AXDND1: variants seen among roughly 807,000 people sequenced by gnomAD.
AXDND1 encodes the protein axonemal dynein light chain domain containing 1.
AXDND1 carries 110 observed loss-of-function variants against 137.5 expected under a neutral mutation model. The ratio of observed to expected loss-of-function variants is 0.80; its 90% CI spans 0.69 to 0.94. The LOEUF (loss-of-function observed/expected upper bound fraction) is 0.94, where lower values mean the gene tolerates loss of function less well. Among genes scored for constraint, AXDND1 ranks in the 40% least tolerant of loss-of-function variants. AXDND1 has a pLI of 0.00. For synonymous variants in AXDND1, 414 were observed against 399.7 expected, an observed-to-expected ratio of 1.04 and a Z score of -0.43; for missense variants, 1,191 against 1,169.8, an observed-to-expected ratio of 1.02 and a Z score of -0.26.
chr1:179,458,942 T>C (rs1661814825), intron 16 of AXDND1, among the ~76,000 whole-genome samples: 1 of 151,604 alleles, frequency 6.6e-6, no homozygotes, highest in South Asian at 2.1e-4. Flanking sequence ...AAAGAGAAGA[T>C]AAAATATTTC....
At chr1:179,446,778 CTT>C (rs1179496923) in intron 16 of AXDND1, among the ~76,000 whole-genome samples, 1 of 149,368 alleles carries the variant, frequency 6.7e-6, no homozygotes, top group Non-Finnish European at 1.5e-5. Flanking sequence ...ATTCTAAACA[CTT>C]TATCTTTTTC....
rs367871892 is a variant in AXDND1, at chr1:179,523,541, C to G, written c.2497-1793C>G. The stretch of plus-strand genomic sequence containing the variant: ...ACTGGTTAGCAGTCACTCAAATTTC[C>G]CCTTTCTTCTCAGGCCCTGGAAACA... On this transcript the variant is annotated intron_variant, in intron 21 of 25. Transcript: ENST00000367618. Among the ~76,000 whole-genome samples, 12 of 152,082 alleles carry G rather than the reference C, an allele frequency of 7.9e-5. No homozygotes were observed. In the South Asian group the frequency reaches 1.0e-3, roughly 13 times the overall value.
intron 17 of AXDND1, among the ~76,000 whole-genome samples, chr1:179,473,550 T>C (rs565080196): frequency 1.3e-5 from 2 of 152,330 alleles, no homozygotes; most frequent in South Asian, 2.1e-4. Flanking sequence ...TAGTGACATA[T>C]AGATATACTT....
chr1:179,490,996 G>GAACCTACA (rs1558260993), intron 18 of AXDND1, among the ~76,000 whole-genome samples: 12 of 152,138 alleles, frequency 7.9e-5, no homozygotes, highest in Non-Finnish European at 1.6e-4. Context: ...GAGAATTGTA[G>GAACCTACA]GTTCTCACAG....
intron 16 of AXDND1, among the ~76,000 whole-genome samples, chr1:179,466,286 T>C (rs1663178695): frequency 1.0e-5 from 1 of 100,066 alleles, no homozygotes; most frequent in Admixed American, 9.0e-5. Flanking sequence ...CTTCTTCTTC[T>C]TTTTTTTTTT....
chr1:179,500,456 A>G (rs1486296919), intron 20 of AXDND1, among the ~76,000 whole-genome samples: 5 of 151,854 alleles, frequency 3.3e-5, no homozygotes, highest in Non-Finnish European at 5.9e-5. Flanking sequence ...ATTATAAAGT[A>G]CTTAGGAATA....
At chr1:179,429,476 C>A in intron 12 of AXDND1, 42 bp from the exon 13 acceptor site, 3 of 1,037,050 alleles carry the variant, frequency 2.9e-6, no homozygotes, top group Admixed American at 2.9e-5. Context: ...TAGTGGTTTG[C>A]TAATGTTTTA....
At position 179,533,785 on chromosome 1, in the gene AXDND1, C is replaced by T. The variant is rs926677374; in HGVS notation, c.2716-10C>T. The T allele has an allele frequency of 6.3e-7, 1 of 1,597,402 alleles. No homozygotes were observed. Among genetic ancestry groups the T allele is most frequent in the Non-Finnish European group, 8.6e-7 (1 of 1,165,526 alleles). ...GTCAGTTCATTCATATCTCATATTTCCTCTGTCAGAGAGAGTCAGCTAAGC... is the reference window on the plus strand; with the variant it reads ...GTCAGTTCATTCATATCTCATATTTTCTCTGTCAGAGAGAGTCAGCTAAGC... On this transcript the variant is annotated splice_polypyrimidine_tract_variant and intron_variant, in intron 23 of 25. Transcript: ENST00000367618.
chr1:179,494,725 AT>A (rs1226082202), intron 20 of AXDND1, among the ~76,000 whole-genome samples: 4 of 151,646 alleles, frequency 2.6e-5, no homozygotes. Flanking sequence ...TCAATCTCTG[AT>A]TTTTTTTCTT....
At chr1:179,523,718 T>C (rs1328599311) in intron 21 of AXDND1, among the ~76,000 whole-genome samples, 2 of 152,168 alleles carry the variant, frequency 1.3e-5, no homozygotes. Context: ...TCATTCCTTT[T>C]TTTTTCCCAA....
Position 179,379,477 on chromosome 1 carries a change from T to C in AXDND1, c.576T>C (p.Tyr192=), listed in dbSNP as rs1338672834. ...CAGGAGTTTCAGGTTTGGAGTGTTA[T>C]GATGAGTGAGTACTATGATATGTAA... The part of the protein sequence containing the change: ...SSTGVSGLEC[Y]DDKYTTLLTD... Residue 192 remains tyrosine, a synonymous_variant, in exon 6 of 26, where the codon TAT becomes TAC. Coordinates refer to ENST00000367618, the MANE Select transcript of AXDND1 (RefSeq NM_144696.6). The C allele has an allele frequency of 1.9e-6, 3 of 1,613,060 alleles. No individual in the cohort carries two copies. The highest frequency in any genetic ancestry group is 2.2e-5 in the East Asian group (1 of 44,844).
chr1:179,549,020 C>G (rs939323659), intron 25 of AXDND1: 2 of 152,184 alleles, frequency 1.3e-5, no homozygotes, highest in Non-Finnish European at 2.9e-5. Flanking sequence ...CTCCCACTCT[C>G]AGGGGCATGT....
chr1:179,380,691 A>G (rs995060612), intron 6 of AXDND1, among the ~76,000 whole-genome samples: 6 of 152,226 alleles, frequency 3.9e-5, no homozygotes, highest in Non-Finnish European at 8.8e-5. Flanking sequence ...TGTCTTTCCA[A>G]TATGTATGTT....
At chr1:179,485,837 A>G (rs1665974699) in intron 18 of AXDND1, among the ~76,000 whole-genome samples, 1 of 151,982 alleles carries the variant, frequency 6.6e-6, no homozygotes, top group Non-Finnish European at 1.5e-5. Context: ...AGAAAGAACC[A>G]CCAGGCGCGG....
chr1:179,549,481 C>T (rs1222835676), intron 25 of AXDND1, among the ~76,000 whole-genome samples: 1 of 152,134 alleles, frequency 6.6e-6, no homozygotes, highest in Non-Finnish European at 1.5e-5. Context: ...TAGGAGATAC[C>T]ATAGGCACTC....
chr1:179,374,699 G>A (rs899965820), intron 4 of AXDND1, among the ~76,000 whole-genome samples: 5 of 151,978 alleles, frequency 3.3e-5, no homozygotes, highest in African/African-American at 1.2e-4. Flanking sequence ...GCTGGAAACC[G>A]TCATTCTGAG....
chr1:179,388,024 T>A (rs1571592958), intron 9 of AXDND1, among the ~76,000 whole-genome samples: 1 of 152,332 alleles, frequency 6.6e-6, no homozygotes, highest in East Asian at 1.9e-4. Context: ...TAACTCTGTC[T>A]CCTTAACTCA....
chr1:179,532,994 A>T (rs951054484), intron 23 of AXDND1: 9 of 152,098 alleles, frequency 5.9e-5, no homozygotes, highest in Middle Eastern at 3.4e-3. Context: ...GTATGATGGG[A>T]TGTGTGATTG....
intron 25 of AXDND1, among the ~76,000 whole-genome samples, chr1:179,537,900 G>A (rs755358466): frequency 9.9e-5 from 15 of 152,082 alleles, no homozygotes; most frequent in Middle Eastern, 3.4e-3. Context: ...GAGATTTGAC[G>A]TCTTCCTGGT....
Sources: allele counts gnomAD v4.1 joint callset (sites outside exome capture counted in the v4.1 genomes callset), GRCh38; gene constraint gnomAD v4.1.1; transcripts MANE v1.5; gene names NCBI Gene and HGNC (gene_info 2026-07-23, HGNC 2026-07-21).